GNAL: variants seen among roughly 807,000 people sequenced by gnomAD.
The protein encoded by GNAL is guanine nucleotide-binding protein G(olf) subunit alpha.
A neutral mutation model predicts 55.1 loss-of-function variants in GNAL; 18 were observed. The observed-to-expected ratio is 0.33, with a 90% CI of 0.23 to 0.48. GNAL has a LOEUF of 0.48. GNAL is among the 20% of genes least tolerant of loss of function. GNAL has a pLI of 0.99. For missense variants in GNAL, 412 were observed against 614.1 expected, an observed-to-expected ratio of 0.67 and a Z score of 3.48; for synonymous variants, 253 against 237.0, an observed-to-expected ratio of 1.07 and a Z score of -0.62.
intron 5 of GNAL, among the ~76,000 whole-genome samples, chr18:11,836,433 C>T (rs1237671951): frequency 6.6e-6 from 1 of 151,902 alleles, no homozygotes; most frequent in Admixed American, 6.6e-5. Context: ...GCAACAAGAG[C>T]AAAACTCTTA....
chr18:11,704,919 C>T (rs1321928219), intron 1 of GNAL, among the ~76,000 whole-genome samples: 5 of 152,042 alleles, frequency 3.3e-5, no homozygotes, highest in African/African-American at 9.7e-5. Flanking sequence ...CTGAAAGTTT[C>T]CTCCTGCATC....
At chr18:11,825,937 A>T (rs2035232686) in intron 5 of GNAL, among the ~76,000 whole-genome samples, 1 of 152,172 alleles carries the variant, frequency 6.6e-6, no homozygotes, top group African/African-American at 2.4e-5. Flanking sequence ...GTAGTTGACT[A>T]GTTGTTTTAT....
In GNAL at chr18:11,822,918, T is replaced by C. The variant is rs145355249; in HGVS notation, c.625-2000T>C. On this transcript the variant is annotated intron_variant, in intron 4 of 11. Transcript: ENST00000334049. ...AACCTATTATAGTGAATAACTCTTA[T>C]GTGAACTTTTATAAAATCTGGTGTC... is the stretch of plus-strand genomic sequence containing the variant. 4.5e-3 allele frequency among the ~76,000 whole-genome samples: 688 copies of C among 152,218 alleles called. 3 individuals are homozygous for C. Among genetic ancestry groups the C allele is most frequent in the South Asian group, 0.019 (92 of 4,820 alleles).
chr18:11,730,262 C>A (rs983143090), intron 1 of GNAL, among the ~76,000 whole-genome samples: 7 of 151,414 alleles, frequency 4.6e-5, no homozygotes, highest in Non-Finnish European at 8.8e-5. Context: ...CAGGTTCAAG[C>A]GATTCTTCTG....
intron 4 of GNAL, among the ~76,000 whole-genome samples, chr18:11,817,699 CT>C (rs889594313): frequency 4.1e-4 from 63 of 151,960 alleles, no homozygotes; most frequent in African/African-American, 1.5e-3. Context: ...CAGTGATCTC[CT>C]GTCTCAGCCT....
rs531277964 is a variant in GNAL, at chr18:11,701,129, G to A, written c.376+11190G>A. On this transcript the variant is annotated intron_variant, in intron 1 of 11. Coordinates refer to ENST00000334049, the MANE Select transcript of GNAL (RefSeq NM_182978.4). ...GAAAAATACCAGTCCGAGCCTGCAC[G>A]TGCTCGGAGATAAATGGCAACAGTG... Among the ~76,000 whole-genome samples the A allele has an allele frequency of 9.2e-5, 14 of 152,308 alleles. 1 individual carries two copies. The highest frequency in any genetic ancestry group is 5.9e-4 in the Admixed American group (9 of 15,300).
intron 4 of GNAL, among the ~76,000 whole-genome samples, chr18:11,759,887 C>CGT (rs1016255430): frequency 2.6e-5 from 4 of 152,108 alleles, no homozygotes; most frequent in Non-Finnish European, 5.9e-5. Flanking sequence ...TGTGGGTTTT[C>CGT]GTGTGTGTGT....
At chr18:11,851,652 T>C (rs2035871963) in intron 5 of GNAL, 1 of 1,614,004 alleles carries the variant, frequency 6.2e-7, no homozygotes, top group African/African-American at 1.3e-5. Flanking sequence ...ACATGGAAGT[T>C]GCGAGGATAC....
intron 1 of GNAL, among the ~76,000 whole-genome samples, chr18:11,710,945 G>A (rs1042926818): frequency 1.3e-5 from 2 of 151,474 alleles, no homozygotes; most frequent in Admixed American, 6.6e-5. Context: ...GTGTGATCTC[G>A]GCTCACTGCA....
At chr18:11,744,555 G>A (rs556205631) in intron 1 of GNAL, among the ~76,000 whole-genome samples, 2 of 152,248 alleles carry the variant, frequency 1.3e-5, no homozygotes, top group African/African-American at 4.8e-5. Flanking sequence ...TGTTTAAAAT[G>A]TCCCGAAGGG....
intron 1 of GNAL, among the ~76,000 whole-genome samples, chr18:11,725,233 T>TGG (rs2032186361): frequency 6.6e-6 from 1 of 152,072 alleles, no homozygotes; most frequent in Non-Finnish European, 1.5e-5. Flanking sequence ...GTAATTAGGA[T>TGG]AAAATGAGAT....
At chr18:11,852,167 G>A (rs2035889514) in intron 5 of GNAL, 2 of 1,489,324 alleles carry the variant, frequency 1.3e-6, no homozygotes, top group African/African-American at 1.4e-5. Flanking sequence ...AATGCTCTCT[G>A]TGTGTTAGAG....
chr18:11,846,426 CATATATAA>C (rs1049083265), intron 5 of GNAL, among the ~76,000 whole-genome samples: 13 of 143,340 alleles, frequency 9.1e-5, no homozygotes, highest in South Asian at 2.1e-4. Context: ...TATATAAATA[CATATATAA>C]ATATATAAAT....
intron 4 of GNAL, among the ~76,000 whole-genome samples, chr18:11,819,055 C>CA (rs1260864432): frequency 2.0e-5 from 3 of 152,198 alleles, no homozygotes; most frequent in Non-Finnish European, 4.4e-5. Flanking sequence ...GCACCACACT[C>CA]ACGTCAAGTG....
intron 4 of GNAL, among the ~76,000 whole-genome samples, chr18:11,789,052 TCA>T (rs1367979922): frequency 6.6e-6 from 1 of 151,398 alleles, no homozygotes; most frequent in Non-Finnish European, 1.5e-5. Context: ...TAGGCCTATC[TCA>T]GTTTCAGCAC....
intron 1 of GNAL, among the ~76,000 whole-genome samples, chr18:11,731,326 T>C (rs2032334916): frequency 6.6e-6 from 1 of 152,220 alleles, no homozygotes; most frequent in African/African-American, 2.4e-5. Context: ...TTTTGTATTT[T>C]TAGTAGAGAC....
At chr18:11,762,906 A>T (rs891729986) in intron 4 of GNAL, among the ~76,000 whole-genome samples, 1 of 152,226 alleles carries the variant, frequency 6.6e-6, no homozygotes, top group East Asian at 1.9e-4. Context: ...GGCTTATGTC[A>T]TGATATTAAG....
At chr18:11,854,651 C>T (rs1341422058) in intron 5 of GNAL, among the ~76,000 whole-genome samples, 2 of 152,074 alleles carry the variant, frequency 1.3e-5, no homozygotes, top group East Asian at 3.9e-4. Context: ...CGTGGTGCTG[C>T]ACACCTGTAA....
At chr18:11,744,650 T>C (rs1340048759) in intron 1 of GNAL, among the ~76,000 whole-genome samples, 1 of 152,252 alleles carries the variant, frequency 6.6e-6, no homozygotes, top group Non-Finnish European at 1.5e-5. Context: ...TCTCGGGCTA[T>C]AGCTTTCGGC....
Sources: gnomAD v4.1 joint callset for allele counts (sites outside exome capture counted in the v4.1 genomes callset) on GRCh38, gnomAD v4.1.1 for gene constraint, MANE v1.5 for transcripts, NCBI Gene and HGNC (gene_info 2026-07-23, HGNC 2026-07-21) for gene names.